The following CYP39A1 variants were observed in gnomAD, a reference collection of about 807,000 sequenced individuals.
CYP39A1 encodes the protein 24-hydroxycholesterol 7-alpha-hydroxylase.
CYP39A1 carries 49 observed loss-of-function variants against 58.1 expected under a neutral mutation model. The ratio of observed to expected loss-of-function variants is 0.84; its 90% CI spans 0.67 to 1.07. The LOEUF is 1.07. Among genes scored for constraint, CYP39A1 ranks in the 50% least tolerant of loss-of-function variants. CYP39A1 has a pLI of 0.00. For synonymous variants in CYP39A1, 209 were observed against 187.6 expected (o/e 1.11, Z -0.93); for missense variants, 531 against 539.4 (o/e 0.98, Z 0.16).
In CYP39A1 at chr6:46,595,859, A is replaced by G. The variant is rs1773114473; in HGVS notation, c.1065+128T>C. On this transcript the variant is annotated intron_variant, in intron 8 of 11. Coordinates refer to ENST00000275016, the MANE Select transcript of CYP39A1 (RefSeq NM_016593.5). ...TTCAAAACCACATGTTGTACAAGAC[A>G]AATATATAAAATATTTATTTGTCAA... 3 of 932,234 alleles carry G rather than the reference A, an allele frequency of 3.2e-6. No individual in the cohort carries two copies. The East Asian group carries it at 8.1e-5, about 25-fold the overall frequency. 57.7% of individuals were successfully genotyped at this position (932,234 alleles called of 1,614,324 possible). A position where few individuals can be genotyped will look rare whatever the true frequency, so the allele number is the denominator to read the frequency against.
At chr6:46,558,581 C>A (rs561789502) in intron 10 of CYP39A1, among the ~76,000 whole-genome samples, 3 of 152,162 alleles carry the variant, frequency 2.0e-5, no homozygotes, top group Non-Finnish European at 4.4e-5. Context: ...CAGAGGCAAA[C>A]TATATCACTG....
intron 10 of CYP39A1, among the ~76,000 whole-genome samples, chr6:46,580,608 A>T (rs1772078748): frequency 6.6e-6 from 1 of 152,190 alleles, no homozygotes; most frequent in African/African-American, 2.4e-5. Flanking sequence ...TATGCATCTC[A>T]CAAAGGTCTA....
In CYP39A1 at chr6:46,595,713, G is replaced by A. The variant is rs563383119; in HGVS notation, c.1065+274C>T. ...TGACTATTCCTAGTAATGACATATTGTTTTCCTGAAAATTACCAAGAGAAT... is the reference window on the plus strand; with the variant it reads ...TGACTATTCCTAGTAATGACATATTATTTTCCTGAAAATTACCAAGAGAAT... On this transcript the variant is annotated intron_variant, in intron 8 of 11. Transcript: ENST00000275016. Among the ~76,000 whole-genome samples the A allele has an allele frequency of 1.8e-4, 27 of 151,992 alleles. No homozygotes were observed. The South Asian group carries it at 5.4e-3, about 30-fold the overall frequency.
chr6:46,627,446 T>A (rs2150575264), intron 6 of CYP39A1, among the ~76,000 whole-genome samples: 1 of 150,380 alleles, frequency 6.6e-6, no homozygotes, highest in South Asian at 2.1e-4. Flanking sequence ...TGAGACAGAG[T>A]CTCGCTCTGT....
intron 10 of CYP39A1, among the ~76,000 whole-genome samples, chr6:46,554,070 A>G (rs1770546899): frequency 6.6e-6 from 1 of 152,246 alleles, no homozygotes; most frequent in East Asian, 1.9e-4. Flanking sequence ...TAAAATGTAT[A>G]TAAAGTGCTG....
chr6:46,651,304 A>G (rs1042420585), intron 1 of CYP39A1, among the ~76,000 whole-genome samples: 1 of 152,226 alleles, frequency 6.6e-6, no homozygotes, highest in Non-Finnish European at 1.5e-5. Flanking sequence ...TATAAACCCA[A>G]CTATTGAGAT....
chr6:46,584,598 T>TAATA (rs1175977898), intron 10 of CYP39A1, among the ~76,000 whole-genome samples: 2 of 152,152 alleles, frequency 1.3e-5, no homozygotes, highest in Non-Finnish European at 2.9e-5. Flanking sequence ...AGTTCTTTAT[T>TAATA]AGTGCCATGT....
At chr6:46,556,675 C>T (rs967784291) in intron 10 of CYP39A1, among the ~76,000 whole-genome samples, 10 of 152,246 alleles carry the variant, frequency 6.6e-5, no homozygotes, top group Admixed American at 5.9e-4. Context: ...GATTATTTTA[C>T]ATTAAATGGC....
At chr6:46,601,772 C>T (rs1478198060) in intron 7 of CYP39A1, among the ~76,000 whole-genome samples, 1 of 151,668 alleles carries the variant, frequency 6.6e-6, no homozygotes, top group Non-Finnish European at 1.5e-5. Flanking sequence ...CCGCCCATCT[C>T]AGCCTCCCAA....
At chr6:46,553,390 C>A (rs1045254506) in intron 11 of CYP39A1, among the ~76,000 whole-genome samples, 6 of 152,158 alleles carry the variant, frequency 3.9e-5, no homozygotes, top group Admixed American at 3.3e-4. Flanking sequence ...AGGGTTATGA[C>A]TTGCATTAAA....
chr6:46,596,205 G>T, intron 7 of CYP39A1, 85 bp from the exon 8 acceptor site: 1 of 1,018,522 alleles, frequency 9.8e-7, no homozygotes, highest in Non-Finnish European at 1.4e-6. Context: ...GAGGTTAGAT[G>T]TTGCCTCTGA....
chr6:46,553,746 C>A lies in CYP39A1; in HGVS notation c.1338+21G>T, dbSNP rs377401661. Reference sequence around the variant, plus strand: ...CATATTTATAAGTAGTCATGATACTCAAAATTCTGAAAACACTTACCTGTT... The same window carrying A: ...CATATTTATAAGTAGTCATGATACTAAAAATTCTGAAAACACTTACCTGTT... On this transcript the variant is annotated intron_variant, in intron 11 of 11. Coordinates refer to ENST00000275016, the MANE Select transcript of CYP39A1 (RefSeq NM_016593.5). 30 of 1,538,596 alleles carry A rather than the reference C, an allele frequency of 1.9e-5. No individual in the cohort carries two copies. The African/African-American group carries it at 2.7e-4, about 14-fold the overall frequency.
intron 3 of CYP39A1, among the ~76,000 whole-genome samples, chr6:46,638,525 ATTG>A (rs1464722774): frequency 1.2e-4 from 18 of 152,226 alleles, no homozygotes; most frequent in Non-Finnish European, 2.4e-4. Flanking sequence ...AATATAAAAT[ATTG>A]TTAACATGCC....
chr6:46,599,080 C>T lies in CYP39A1; in HGVS notation c.932-2960G>A, dbSNP rs531586478. Among the ~76,000 whole-genome samples, 6 of 152,054 alleles carry T rather than the reference C, an allele frequency of 3.9e-5. No homozygotes were observed. The East Asian group carries it at 5.8e-4, about 15-fold the overall frequency. On this transcript the variant is annotated intron_variant, in intron 7 of 11. Coordinates refer to ENST00000275016, the MANE Select transcript of CYP39A1 (RefSeq NM_016593.5). The stretch of plus-strand genomic sequence containing the variant: ...GGCGTGTGGGGTTGCATATGCAACA[C>T]GAATTGGGGGCCAGGTCTGAGGAAT...
intron 10 of CYP39A1, among the ~76,000 whole-genome samples, chr6:46,582,763 G>A (rs1288108463): frequency 6.6e-6 from 1 of 150,536 alleles, no homozygotes; most frequent in Non-Finnish European, 1.5e-5. Context: ...ATGAGTCTTT[G>A]ACTCTTCCCA....
intron 6 of CYP39A1, among the ~76,000 whole-genome samples, chr6:46,630,455 A>G (rs997293427): frequency 6.6e-6 from 1 of 152,196 alleles, no homozygotes; most frequent in Non-Finnish European, 1.5e-5. Flanking sequence ...TAGGTAAAAT[A>G]GTACATTATC....
intron 10 of CYP39A1, among the ~76,000 whole-genome samples, chr6:46,574,103 G>C (rs1188411006): frequency 6.6e-6 from 1 of 152,160 alleles, no homozygotes; most frequent in Non-Finnish European, 1.5e-5. Flanking sequence ...CAGTGATGTT[G>C]CCATGGAGTC....
chr6:46,597,765 C>T (rs961018691), intron 7 of CYP39A1, among the ~76,000 whole-genome samples: 1 of 152,112 alleles, frequency 6.6e-6, no homozygotes, highest in African/African-American at 2.4e-5. Flanking sequence ...CATTCTGGAA[C>T]ATCCGGAGGC....
intron 10 of CYP39A1, among the ~76,000 whole-genome samples, chr6:46,579,698 T>C (rs1336827819): frequency 6.6e-6 from 1 of 152,124 alleles, no homozygotes; most frequent in Non-Finnish European, 1.5e-5. Flanking sequence ...TCAGTGGTAT[T>C]TCTATACACC....
Sources: allele counts gnomAD v4.1 joint callset (sites outside exome capture counted in the v4.1 genomes callset), GRCh38; gene constraint gnomAD v4.1.1; transcripts MANE v1.5; gene names NCBI Gene and HGNC (gene_info 2026-07-23, HGNC 2026-07-21).